Variants in ERP44 observed in about 807,000 individuals in gnomAD.
The protein encoded by ERP44 is endoplasmic reticulum resident protein 44.
Under a neutral mutation model 53.4 loss-of-function variants are expected in ERP44, and 25 were observed. The observed-to-expected ratio is 0.47, with a 90% CI of 0.34 to 0.65. The LOEUF (loss-of-function observed/expected upper bound fraction) is 0.65. Among genes scored for constraint, ERP44 ranks in the 30% least tolerant of loss-of-function variants. The pLI is 0.01. For synonymous variants in ERP44, 145 were observed against 161.2 expected (o/e 0.90, Z 0.76); for missense variants, 338 against 493.2 (o/e 0.69, Z 2.98).
intron 4 of ERP44, among the ~76,000 whole-genome samples, chr9:100,034,033 G>A (rs1030493125): frequency 4.6e-5 from 7 of 152,104 alleles, no homozygotes; most frequent in East Asian, 1.9e-4. Context: ...TGTCAGAGGC[G>A]TTCAAACCAG....
intron 8 of ERP44, among the ~76,000 whole-genome samples, chr9:100,015,990 C>T (rs1246770923): frequency 6.6e-6 from 1 of 152,164 alleles, no homozygotes; most frequent in East Asian, 1.9e-4. Context: ...GTCTGCGGCC[C>T]AGGGTATGGG....
intron 4 of ERP44, among the ~76,000 whole-genome samples, chr9:100,024,363 G>C (rs1830629592): frequency 8.1e-6 from 1 of 123,312 alleles, no homozygotes. Context: ...AGGTGCAGAA[G>C]AGTGTGTACA....
chr9:100,098,940 G>C lies in ERP44; in HGVS notation c.-100C>G. The stretch of plus-strand genomic sequence containing the variant: ...GGCTGGGCTCCGGGAGCCGACGGCA[G>C]CGGAGGATTCTCCAGGCAGCGGCAC... On this transcript the variant is annotated 5_prime_UTR_variant, in exon 1 of 12. Coordinates refer to ENST00000262455, the MANE Select transcript of ERP44 (RefSeq NM_015051.3). 1.1e-6 allele frequency: 1 copy of C among 920,294 alleles called. No individual in the cohort carries two copies. 57.0% of individuals were successfully genotyped at this position (920,294 alleles called of 1,614,324 possible).
chr9:100,002,663 G>A (rs1344407812), intron 10 of ERP44, among the ~76,000 whole-genome samples: 2 of 151,982 alleles, frequency 1.3e-5, no homozygotes, highest in African/African-American at 4.8e-5. Flanking sequence ...TATGTTATTT[G>A]CTCTTCTCTT....
intron 11 of ERP44, 40 bp downstream of exon 11, chr9:99,984,927 A>G (rs745902995): frequency 1.5e-6 from 2 of 1,317,190 alleles, no homozygotes; most frequent in Non-Finnish European, 2.2e-6. Context: ...TGAAAAAGGG[A>G]AAAAAAGAGT....
intron 10 of ERP44, 45 bp from the exon 11 acceptor site, chr9:99,985,114 A>C: frequency 1.5e-6 from 2 of 1,324,696 alleles, no homozygotes; most frequent in Non-Finnish European, 2.2e-6. Flanking sequence ...AAATGGACTT[A>C]TCTCTATTTT....
At chr9:100,012,272 T>C (rs1830483314) in intron 8 of ERP44, among the ~76,000 whole-genome samples, 1 of 152,238 alleles carries the variant, frequency 6.6e-6, no homozygotes. Context: ...TTGCAATATC[T>C]ATTGCATATC....
intron 8 of ERP44, among the ~76,000 whole-genome samples, chr9:100,015,193 TG>T (rs1830515612): frequency 6.6e-6 from 1 of 152,240 alleles, no homozygotes; most frequent in Non-Finnish European, 1.5e-5. Context: ...AGTGATTATA[TG>T]GGTATGTTTA....
intron 1 of ERP44, among the ~76,000 whole-genome samples, chr9:100,063,414 T>C (rs549133279): frequency 1.3e-5 from 2 of 152,208 alleles, no homozygotes; most frequent in Non-Finnish European, 2.9e-5. Flanking sequence ...GAAAGACGGG[T>C]TGTTTATTTG....
intron 4 of ERP44, among the ~76,000 whole-genome samples, chr9:100,031,970 T>G (rs1825795605): frequency 6.6e-6 from 1 of 152,198 alleles, no homozygotes; most frequent in South Asian, 2.1e-4. Flanking sequence ...AATGTATTTT[T>G]GGGCATGCTT....
At chr9:100,000,738 T>C (rs1830367837) in intron 10 of ERP44, among the ~76,000 whole-genome samples, 2 of 152,104 alleles carry the variant, frequency 1.3e-5, no homozygotes, top group Admixed American at 1.3e-4. Flanking sequence ...TCATTTCTTA[T>C]TTTTTGAGAC....
chr9:100,009,140 C>A (rs149978771), intron 8 of ERP44, among the ~76,000 whole-genome samples: 1,682 of 152,224 alleles, frequency 0.011, 12 homozygotes, highest in Non-Finnish European at 0.018. Flanking sequence ...GAGACGGAGT[C>A]TCACTCTGTA....
At chr9:100,048,186 G>A (rs1825997003) in intron 4 of ERP44, among the ~76,000 whole-genome samples, 1 of 152,026 alleles carries the variant, frequency 6.6e-6, no homozygotes, top group Non-Finnish European at 1.5e-5. Flanking sequence ...TGGGTGGAGG[G>A]GGGAGGGATA....
At chr9:99,985,705 A>T (rs986223525) in intron 10 of ERP44, among the ~76,000 whole-genome samples, 6 of 152,192 alleles carry the variant, frequency 3.9e-5, no homozygotes, top group Admixed American at 6.5e-5. Context: ...TAGCATTTTC[A>T]TGTTTTTTTT....
chr9:100,042,107 C>T (rs773012812), intron 4 of ERP44, among the ~76,000 whole-genome samples: 40 of 152,106 alleles, frequency 2.6e-4, no homozygotes, highest in Non-Finnish European at 4.1e-4. Context: ...AAACAATCAA[C>T]AAAGTGAAAA....
At chr9:100,089,106 T>C (rs965831993) in intron 1 of ERP44, among the ~76,000 whole-genome samples, 1 of 152,216 alleles carries the variant, frequency 6.6e-6, no homozygotes, top group African/African-American at 2.4e-5. Flanking sequence ...TCTCATACCA[T>C]CTTGCTTCAA....
intron 10 of ERP44, among the ~76,000 whole-genome samples, chr9:100,002,618 A>G (rs534064538): frequency 6.6e-6 from 1 of 152,204 alleles, no homozygotes; most frequent in Non-Finnish European, 1.5e-5. Context: ...TTCTGATGAG[A>G]AAACTGCTGC....
At chr9:99,989,527 C>T (rs1830232005) in intron 10 of ERP44, among the ~76,000 whole-genome samples, 1 of 152,170 alleles carries the variant, frequency 6.6e-6, no homozygotes, top group Non-Finnish European at 1.5e-5. Flanking sequence ...CACACAAAAA[C>T]CCCATCTGTA....
At chr9:100,005,482 T>C (rs1159580441) in intron 10 of ERP44, among the ~76,000 whole-genome samples, 2 of 152,362 alleles carry the variant, frequency 1.3e-5, no homozygotes, top group South Asian at 4.1e-4. Flanking sequence ...TTTCTGAGCA[T>C]AGATAAAGTA....
Sources: gnomAD v4.1 joint callset for allele counts (sites outside exome capture counted in the v4.1 genomes callset) on GRCh38, gnomAD v4.1.1 for gene constraint, MANE v1.5 for transcripts, NCBI Gene and HGNC (gene_info 2026-07-23, HGNC 2026-07-21) for gene names.